Variants in ITPRID1 observed in about 807,000 individuals in gnomAD.
The protein encoded by ITPRID1 is ITPR interacting domain containing 1.
In ITPRID1, 96 loss-of-function variants were observed where a neutral mutation model predicts 95.4. That is an observed-to-expected ratio of 1.01 (90% CI 0.85 to 1.19). The LOEUF is 1.19. Ranked by LOEUF, ITPRID1 falls within the 50% of genes most tolerant of loss-of-function variation. ITPRID1 has a pLI of 0.00. For synonymous variants in ITPRID1, 510 were observed against 453.6 expected, an observed-to-expected ratio of 1.12 and a Z score of -1.58; for missense variants, 1,339 against 1,252.9, an observed-to-expected ratio of 1.07 and a Z score of -1.04.
Position 31,553,177 on chromosome 7 carries a change from C to G in ITPRID1, c.153C>G (p.Ile51Met). The G allele has an allele frequency of 6.3e-7, 1 of 1,578,978 alleles. No homozygotes were observed. The highest frequency in any genetic ancestry group is 8.6e-7 in the Non-Finnish European group (1 of 1,161,132). ...DPEEESQSLT[I>M]PMLEDSKQES... is the part of the protein sequence containing the mutation. Reference sequence around the variant, plus strand: ...AGGAGGAAAGCCAGAGTCTCACCATCCCCATGCTGGGTGAGAAGGACTCTC... The same window carrying G: ...AGGAGGAAAGCCAGAGTCTCACCATGCCCATGCTGGGTGAGAAGGACTCTC... Residue 51 changes from isoleucine (I) to methionine (M), a missense_variant, in exon 3 of 15, where the codon ATC becomes ATG. Coordinates refer to ENST00000615280, the MANE Select transcript of ITPRID1 (RefSeq NM_001257967.3).
intron 10 of ITPRID1, among the ~76,000 whole-genome samples, chr7:31,610,241 A>G (rs1321257671): frequency 6.6e-6 from 1 of 151,652 alleles, no homozygotes; most frequent in Non-Finnish European, 1.5e-5. Context: ...GAGAAATGTA[A>G]GTATTCTTCT....
intron 10 of ITPRID1, among the ~76,000 whole-genome samples, chr7:31,604,276 C>T (rs932174541): frequency 6.6e-6 from 1 of 152,190 alleles, no homozygotes; most frequent in African/African-American, 2.4e-5. Context: ...TCCCATTTTA[C>T]AGATGAGGGA....
intron 1 of ITPRID1, among the ~76,000 whole-genome samples, chr7:31,519,836 A>C (rs1020978670): frequency 5.3e-5 from 8 of 151,668 alleles, no homozygotes; most frequent in Non-Finnish European, 7.4e-5. Flanking sequence ...CTCTCTACCC[A>C]CTTTCTCTAT....
In ITPRID1 at chr7:31,643,155, G is replaced by A. The variant is rs754157371; in HGVS notation, c.1785G>A (p.Glu595=). Residue 595 remains glutamate, a synonymous_variant, in exon 12 of 15, where the codon GAG becomes GAA. Transcript: ENST00000615280. ...GAGKVQSHHN[E]SQRSPGNDHT... ...GCAAAGTGCAAAGCCACCACAATGA[G>A]TCTCAAAGGTCACCTGGAAATGATC... 1.9e-6 allele frequency: 3 copies of A among 1,613,944 alleles called. No homozygotes were observed. Among genetic ancestry groups the A allele is most frequent in the East Asian group, 2.2e-5 (1 of 44,864 alleles).
At chr7:31,537,894 T>C (rs1171464053) in intron 1 of ITPRID1, among the ~76,000 whole-genome samples, 1 of 152,208 alleles carries the variant, frequency 6.6e-6, no homozygotes, top group African/African-American at 2.4e-5. Flanking sequence ...CATATTTTTC[T>C]GTGACATTTT....
chr7:31,571,398 T>A (rs1784983660), intron 6 of ITPRID1, among the ~76,000 whole-genome samples: 1 of 152,216 alleles, frequency 6.6e-6, no homozygotes, highest in South Asian at 2.1e-4. Context: ...CTTGGGAACA[T>A]TGATATCTGC....
chr7:31,586,877 G>T (rs1785637845), intron 10 of ITPRID1, among the ~76,000 whole-genome samples: 1 of 151,738 alleles, frequency 6.6e-6, no homozygotes, highest in Non-Finnish European at 1.5e-5. Flanking sequence ...GTCTTTTGTT[G>T]CCATTGCTTT....
intron 10 of ITPRID1, among the ~76,000 whole-genome samples, chr7:31,589,312 C>T (rs1166666309): frequency 2.0e-5 from 3 of 151,992 alleles, no homozygotes; most frequent in South Asian, 4.1e-4. Context: ...ATAGAAAATA[C>T]TTATCTGAGT....
In ITPRID1 at chr7:31,578,398, T is replaced by C. The variant is rs1330590943; in HGVS notation, c.1134T>C (p.Leu378=). ...QTNKLKSLSH[L]AGKGPDSFEM... The stretch of plus-strand genomic sequence containing the variant: ...ACAAGCTCAAGAGCTTGTCTCATCT[T>C]GCAGGCAAAGGACCAGACTCATTTG... The change falls in exon 9 of 15, where the codon CTT becomes CTC. Residue 378 remains leucine, a synonymous_variant. Transcript: ENST00000615280. The C allele has an allele frequency of 5.0e-6, 8 of 1,612,130 alleles. No individual in the cohort carries two copies. In the South Asian group the frequency reaches 7.7e-5, roughly 16 times the overall value.
chr7:31,565,752 T>TAAAAATAAA (rs1030319958), intron 5 of ITPRID1, among the ~76,000 whole-genome samples: 1 of 151,664 alleles, frequency 6.6e-6, no homozygotes, highest in African/African-American at 2.4e-5. Flanking sequence ...AAATAAAAAA[T>TAAAAATAAA]AAAAAAGTAC....
At chr7:31,616,674 G>A (rs1456885039) in intron 10 of ITPRID1, among the ~76,000 whole-genome samples, 3 of 152,092 alleles carry the variant, frequency 2.0e-5, no homozygotes, top group African/African-American at 7.3e-5. Context: ...ATAGCTTAAA[G>A]AGTAGTTTTC....
At chr7:31,529,848 T>C (rs1397306765) in intron 1 of ITPRID1, 1 of 1,526,294 alleles carries the variant, frequency 6.6e-7, no homozygotes, top group Non-Finnish European at 8.8e-7. Flanking sequence ...ATAATTTGTT[T>C]TTTTTCTTTT....
Position 31,642,902 on chromosome 7 carries a change from T to C in ITPRID1, c.1532T>C (p.Met511Thr), listed in dbSNP as rs377326064. The C allele has an allele frequency of 2.7e-5, 43 of 1,613,974 alleles. 1 individual carries two copies. In the Middle Eastern group the frequency reaches 4.9e-4, roughly 19 times the overall value. Residue 511 changes from methionine (M) to threonine (T), a missense_variant, in exon 12 of 15, where the codon ATG becomes ACG. Physicochemically the swap from Met to Thr is moderately conservative, Grantham distance 81. Coordinates refer to ENST00000615280, the MANE Select transcript of ITPRID1 (RefSeq NM_001257967.3). ...VMEEEFLLEA[M>T]EGPPELYIPD... ...GAGGAAGAGTTTCTGCTTGAGGCCA[T>C]GGAGGGGCCACCAGAGCTGTATATC...
rs1354607060 is a variant in ITPRID1 at position 31,643,203 on chromosome 7, T to C, written c.1833T>C (p.His611=). 4.3e-6 allele frequency: 7 copies of C among 1,613,870 alleles called. No homozygotes were observed. In the Admixed American group the frequency reaches 5.0e-5, roughly 12 times the overall value. ...ATCATACTCAAGACAAGTTCCTTCA[T>C]GTTGACTCTGAGGCCCCACGAGAAG... ...GNDHTQDKFL[H]VDSEAPREEE... The change falls in exon 12 of 15, where the codon CAT becomes CAC. Residue 611 remains histidine, a synonymous_variant. Transcript: ENST00000615280.
chr7:31,645,791 G>C (rs1047602888), intron 12 of ITPRID1, among the ~76,000 whole-genome samples: 1 of 152,164 alleles, frequency 6.6e-6, no homozygotes, highest in South Asian at 2.1e-4. Flanking sequence ...CAAGTGGGTA[G>C]AGGCCAGGAA....
At chr7:31,613,409 G>A (rs540240934) in intron 10 of ITPRID1, among the ~76,000 whole-genome samples, 2 of 152,140 alleles carry the variant, frequency 1.3e-5, no homozygotes, top group African/African-American at 2.4e-5. Flanking sequence ...ATGGGGTTTC[G>A]GAGGTTCTAT....
At chr7:31,600,839 A>G (rs779177226) in intron 10 of ITPRID1, among the ~76,000 whole-genome samples, 4 of 152,116 alleles carry the variant, frequency 2.6e-5, no homozygotes, top group Admixed American at 2.0e-4. Context: ...CTTGAATTCA[A>G]CTACTAGTTT....
At chr7:31,530,646 A>T (rs1016858143) in intron 1 of ITPRID1, among the ~76,000 whole-genome samples, 5 of 152,176 alleles carry the variant, frequency 3.3e-5, no homozygotes, top group Non-Finnish European at 5.9e-5. Context: ...AAAATCATCC[A>T]TTTCTCACTG....
intron 1 of ITPRID1, among the ~76,000 whole-genome samples, chr7:31,522,830 G>A (rs759129308): frequency 2.6e-5 from 4 of 152,114 alleles, no homozygotes; most frequent in East Asian, 3.9e-4. Flanking sequence ...TTGAGTGTTC[G>A]TTAACTTAAA....
Sources: gnomAD v4.1 joint callset for allele counts (sites outside exome capture counted in the v4.1 genomes callset) on GRCh38, gnomAD v4.1.1 for gene constraint, MANE v1.5 for transcripts, NCBI Gene and HGNC (gene_info 2026-07-23, HGNC 2026-07-21) for gene names.